AGMO: variants seen among roughly 807,000 people sequenced by gnomAD.
The protein encoded by AGMO is glyceryl-ether monooxygenase.
Under a neutral mutation model 60.2 loss-of-function variants are expected in AGMO, and 75 were observed. The ratio of observed to expected loss-of-function variants is 1.25; its 90% CI spans 1.03 to 1.51. The LOEUF (loss-of-function observed/expected upper bound fraction) is 1.51, where lower values mean the gene tolerates loss of function less well. Among genes scored for constraint, AGMO ranks in the 40% most tolerant of loss-of-function variants. The probability of loss-of-function intolerance (pLI) is 0.00; values close to 1 mark genes in which losing one functional copy is unlikely to be tolerated. For missense variants in AGMO, 763 were observed against 525.5 expected, an observed-to-expected ratio of 1.45 and a Z score of -4.42; for synonymous variants, 261 against 177.1, an observed-to-expected ratio of 1.47 and a Z score of -3.76.
chr7:15,511,396 T>G (rs1562544209), intron 3 of AGMO, among the ~76,000 whole-genome samples: 2 of 152,088 alleles, frequency 1.3e-5, no homozygotes, highest in South Asian at 2.1e-4. Context: ...TCATCAACAT[T>G]ATAACAAAAT....
At chr7:15,147,275 C>T in the AGMO span, among the ~76,000 whole-genome samples, 638 of 152,070 alleles carry the variant, frequency 4.2e-3, 1 homozygote, top group African/African-American at 0.014. Flanking sequence ...AAGACATATC[C>T]GAGACTGGGT....
chr7:15,546,769 C>T (rs1200908851), intron 2 of AGMO, among the ~76,000 whole-genome samples: 1 of 152,186 alleles, frequency 6.6e-6, no homozygotes, highest in Non-Finnish European at 1.5e-5. Flanking sequence ...GTATGCTAGT[C>T]AAAGTAGGCG....
At chr7:15,155,125 T>C in the AGMO span, among the ~76,000 whole-genome samples, 14 of 152,236 alleles carry the variant, frequency 9.2e-5, no homozygotes, top group African/African-American at 3.1e-4. Context: ...CTGAATTTCC[T>C]GAATTTGTAT....
intron 3 of AGMO, among the ~76,000 whole-genome samples, chr7:15,539,629 C>T (rs1266463487): frequency 1.3e-5 from 2 of 152,018 alleles, no homozygotes; most frequent in African/African-American, 4.8e-5. Context: ...TATAATGGAA[C>T]AATTTATATT....
At chr7:15,391,614 A>G (rs1027910704) in intron 6 of AGMO, among the ~76,000 whole-genome samples, 3 of 152,226 alleles carry the variant, frequency 2.0e-5, no homozygotes, top group South Asian at 2.1e-4. Flanking sequence ...CTGTGTTCCC[A>G]TTCCTTTGCA....
chr7:15,170,931 TA>T, the AGMO span, among the ~76,000 whole-genome samples: 1 of 152,128 alleles, frequency 6.6e-6, no homozygotes, highest in Admixed American at 6.6e-5. Flanking sequence ...GGATTTGACT[TA>T]TTTTTTTCCT....
At position 15,514,126 on chromosome 7, in the gene AGMO, A is replaced by C. The variant is rs554370985; in HGVS notation, c.409+30646T>G. On this transcript the variant is annotated intron_variant, in intron 3 of 12. Coordinates refer to ENST00000342526, the MANE Select transcript of AGMO (RefSeq NM_001004320.2). ...CACCAGTCTTAGATCCAACTTCCTC[A>C]TTGACATTTCCACTTGGAGGTCTGA... Among the ~76,000 whole-genome samples, 97 of 152,232 alleles carry C rather than the reference A, an allele frequency of 6.4e-4. 1 individual carries two copies. The Middle Eastern group carries it at 0.014, about 21-fold the overall frequency.
chr7:15,203,610 T>C (rs113522259), intron 12 of AGMO, among the ~76,000 whole-genome samples: 22 of 152,116 alleles, frequency 1.4e-4, no homozygotes, highest in African/African-American at 5.3e-4. Context: ...ATTATATTAA[T>C]GTGCAATGAA....
intron 5 of AGMO, among the ~76,000 whole-genome samples, chr7:15,403,870 T>C (rs1030635077): frequency 1.2e-4 from 18 of 151,964 alleles, no homozygotes; most frequent in Non-Finnish European, 1.5e-4. Flanking sequence ...CATATTAGCC[T>C]CTGATTTATC....
At chr7:15,224,524 G>A (rs1478433264) in intron 12 of AGMO, among the ~76,000 whole-genome samples, 1 of 151,892 alleles carries the variant, frequency 6.6e-6, no homozygotes, top group African/African-American at 2.4e-5. Context: ...TGGCACCTGG[G>A]TCTTGGACTT....
intron 5 of AGMO, among the ~76,000 whole-genome samples, chr7:15,402,258 C>T (rs1441659414): frequency 1.3e-5 from 2 of 151,882 alleles, no homozygotes; most frequent in African/African-American, 4.8e-5. Flanking sequence ...CTTTTCTTCT[C>T]CCACACCTCA....
intron 10 of AGMO, among the ~76,000 whole-genome samples, chr7:15,382,923 T>C (rs1007248458): frequency 6.6e-6 from 1 of 152,188 alleles, no homozygotes; most frequent in Non-Finnish European, 1.5e-5. Flanking sequence ...ATAACATCTA[T>C]TGTTATATAG....
intron 10 of AGMO, among the ~76,000 whole-genome samples, chr7:15,374,745 G>A (rs1004090029): frequency 2.0e-5 from 3 of 152,028 alleles, no homozygotes; most frequent in Non-Finnish European, 4.4e-5. Flanking sequence ...CAATACAGAG[G>A]GACCCAGAGG....
At chr7:15,240,150 C>T (rs1782548483) in intron 12 of AGMO, among the ~76,000 whole-genome samples, 1 of 152,042 alleles carries the variant, frequency 6.6e-6, no homozygotes, top group South Asian at 2.1e-4. Context: ...TCTATTTATT[C>T]AATACATGCT....
At chr7:15,317,922 C>T (rs1014875917) in intron 12 of AGMO, among the ~76,000 whole-genome samples, 2 of 143,000 alleles carry the variant, frequency 1.4e-5, no homozygotes, top group Admixed American at 1.4e-4. Context: ...TATATATACA[C>T]ACACGTATAT....
At chr7:15,139,178 T>C in the AGMO span, among the ~76,000 whole-genome samples, 1 of 152,236 alleles carries the variant, frequency 6.6e-6, no homozygotes, top group East Asian at 1.9e-4. Flanking sequence ...CTTCTAACTT[T>C]GTTTCTGAGT....
chr7:15,191,848 T>C, the AGMO span, among the ~76,000 whole-genome samples: 5 of 152,098 alleles, frequency 3.3e-5, no homozygotes, highest in East Asian at 1.9e-4. Flanking sequence ...TGTTAAATAA[T>C]GTAAAAGAAT....
chr7:15,220,406 A>G (rs1781884244), intron 12 of AGMO, among the ~76,000 whole-genome samples: 1 of 150,016 alleles, frequency 6.7e-6, no homozygotes, highest in Middle Eastern at 3.2e-3. Context: ...TTTAGTAGAG[A>G]CTGGGTTTCA....
At chr7:15,323,570 T>G (rs541005297) in intron 12 of AGMO, among the ~76,000 whole-genome samples, 1 of 152,296 alleles carries the variant, frequency 6.6e-6, no homozygotes. Context: ...AAATTTTATC[T>G]AGGTAGGTCA....
Sources: allele counts gnomAD v4.1 joint callset (sites outside exome capture counted in the v4.1 genomes callset), GRCh38; gene constraint gnomAD v4.1.1; transcripts MANE v1.5; gene names NCBI Gene and HGNC (gene_info 2026-07-23, HGNC 2026-07-21).